FHIT: variants seen among roughly 807,000 people sequenced by gnomAD.
FHIT encodes bis(5'-adenosyl)-triphosphatase.
Under a neutral mutation model 17.9 loss-of-function variants are expected in FHIT, and 19 were observed. The ratio of observed to expected loss-of-function variants is 1.06; its 90% CI spans 0.74 to 1.56. The LOEUF is 1.56. Ranked by LOEUF, FHIT falls within the 40% of genes most tolerant of loss-of-function variation. The pLI is 0.00. For synonymous variants in FHIT, 81 were observed against 69.7 expected, an observed-to-expected ratio of 1.16 and a Z score of -0.81; for missense variants, 248 against 189.2, an observed-to-expected ratio of 1.31 and a Z score of -1.82.
chr3:59,788,523 C>A (rs544624382), intron 8 of FHIT, among the ~76,000 whole-genome samples: 1 of 152,272 alleles, frequency 6.6e-6, no homozygotes, highest in African/African-American at 2.4e-5. Context: ...TGGTTAGGGG[C>A]CAGGCAGGTT....
At chr3:60,750,968 C>T (rs1029338473) in intron 4 of FHIT, among the ~76,000 whole-genome samples, 3 of 152,178 alleles carry the variant, frequency 2.0e-5, no homozygotes, top group Non-Finnish European at 4.4e-5. Context: ...ACTGTGTTCC[C>T]AAGTGCAACT....
chr3:60,987,284 C>A (rs2029861792), intron 3 of FHIT, among the ~76,000 whole-genome samples: 1 of 152,194 alleles, frequency 6.6e-6, no homozygotes, highest in South Asian at 2.1e-4. Context: ...CTCTGCAGCA[C>A]TGTAACATGT....
chr3:60,956,195 T>C (rs1709147916), intron 3 of FHIT, among the ~76,000 whole-genome samples: 1 of 152,104 alleles, frequency 6.6e-6, no homozygotes. Context: ...AACAAAAACA[T>C]CACAAAACCC....
chr3:60,105,554 T>A (rs1051980561), intron 5 of FHIT, among the ~76,000 whole-genome samples: 2 of 152,282 alleles, frequency 1.3e-5, no homozygotes, highest in East Asian at 3.9e-4. Context: ...GTGAAACATA[T>A]AAGAATATTG....
chr3:61,027,867 A>G (rs2032816969), intron 3 of FHIT, among the ~76,000 whole-genome samples: 1 of 152,196 alleles, frequency 6.6e-6, no homozygotes, highest in Admixed American at 6.5e-5. Context: ...TACATGTTAC[A>G]TGTCCTTTAT....
intron 8 of FHIT, among the ~76,000 whole-genome samples, chr3:59,769,286 T>C (rs1575464191): frequency 6.6e-6 from 1 of 152,042 alleles, no homozygotes; most frequent in South Asian, 2.1e-4. Context: ...GCTCGGAGTG[T>C]GTTTTGGGTG....
chr3:60,054,587 G>A (rs899139375), intron 5 of FHIT, among the ~76,000 whole-genome samples: 17 of 152,210 alleles, frequency 1.1e-4, no homozygotes, highest in East Asian at 5.8e-4. Context: ...TAACAGCAGC[G>A]CATTATTTTC....
intron 5 of FHIT, among the ~76,000 whole-genome samples, chr3:60,131,002 CATATGT>C (rs1699553999): frequency 1.4e-5 from 1 of 69,212 alleles, no homozygotes; most frequent in Admixed American, 1.8e-4. Flanking sequence ...CACATATATA[CATATGT>C]GTATATATAC....
intron 5 of FHIT, among the ~76,000 whole-genome samples, chr3:60,472,588 C>CGATCATGAGG (rs2033144139): frequency 1.3e-5 from 2 of 152,012 alleles, no homozygotes; most frequent in African/African-American, 2.4e-5. Flanking sequence ...CCAGGATGGT[C>CGATCATGAGG]TCGATCTCCT....
chr3:60,419,521 G>A (rs1023356735), intron 5 of FHIT, among the ~76,000 whole-genome samples: 3 of 152,030 alleles, frequency 2.0e-5, no homozygotes, highest in Non-Finnish European at 4.4e-5. Context: ...ACAAATCAAG[G>A]GGCTCCAACA....
intron 4 of FHIT, among the ~76,000 whole-genome samples, chr3:60,701,724 C>T (rs1181409918): frequency 6.6e-6 from 1 of 152,140 alleles, no homozygotes; most frequent in African/African-American, 2.4e-5. Flanking sequence ...CTCGCAGCCT[C>T]CAGCTGCATG....
chr3:59,965,032 A>G (rs1231125699), intron 7 of FHIT, among the ~76,000 whole-genome samples: 1 of 152,152 alleles, frequency 6.6e-6, no homozygotes, highest in East Asian at 1.9e-4. Flanking sequence ...AATTAAACAA[A>G]CAAAAAAACA....
intron 5 of FHIT, among the ~76,000 whole-genome samples, chr3:60,532,737 T>C (rs1489692780): frequency 6.6e-6 from 1 of 152,208 alleles, no homozygotes; most frequent in South Asian, 2.1e-4. Context: ...AGTGGCTGTT[T>C]TGAGAATGAA....
Position 60,374,035 on chromosome 3 carries a change from T to C in FHIT, c.103+162825A>G, listed in dbSNP as rs191670966. Among the ~76,000 whole-genome samples, 191 of 152,336 alleles carry C rather than the reference T, an allele frequency of 1.3e-3. 1 individual carries two copies. The highest frequency in any genetic ancestry group is 6.8e-3 in the Middle Eastern group (2 of 294). ...TATCTTTTTAAAAAAGTAATGGTTT[T>C]GGTTCCTCTTGAAATTTACATGACA... On this transcript the variant is annotated intron_variant, in intron 5 of 9. Coordinates refer to ENST00000492590, the MANE Select transcript of FHIT (RefSeq NM_002012.4).
chr3:60,908,764 AC>A (rs1706565744), intron 3 of FHIT, among the ~76,000 whole-genome samples: 1 of 151,702 alleles, frequency 6.6e-6, no homozygotes, highest in Admixed American at 6.6e-5. Context: ...AGAAATCATG[AC>A]CAGAGTCGAA....
intron 3 of FHIT, among the ~76,000 whole-genome samples, chr3:60,905,226 C>CA (rs1553764228): frequency 6.6e-6 from 1 of 151,790 alleles, no homozygotes; most frequent in Non-Finnish European, 1.5e-5. Context: ...AAAGTTGATC[C>CA]AAAAAAAGTA....
chr3:60,176,677 A>T (rs1318109431), intron 5 of FHIT, among the ~76,000 whole-genome samples: 1 of 152,132 alleles, frequency 6.6e-6, no homozygotes, highest in African/African-American at 2.4e-5. Context: ...TGTCCCAAAG[A>T]CTTGGAGAGT....
At chr3:60,622,362 T>C (rs1478573942) in intron 4 of FHIT, among the ~76,000 whole-genome samples, 1 of 150,440 alleles carries the variant, frequency 6.6e-6, no homozygotes, top group Non-Finnish European at 1.5e-5. Context: ...AACGTACAAA[T>C]CTAGATTTTT....
chr3:60,329,077 T>C (rs1709837639), intron 5 of FHIT, among the ~76,000 whole-genome samples: 1 of 152,218 alleles, frequency 6.6e-6, no homozygotes, highest in African/African-American at 2.4e-5. Context: ...TTCATATGGA[T>C]TTAATTAGTT....
Sources: allele counts gnomAD v4.1 joint callset (sites outside exome capture counted in the v4.1 genomes callset), GRCh38; gene constraint gnomAD v4.1.1; transcripts MANE v1.5; gene names NCBI Gene and HGNC (gene_info 2026-07-23, HGNC 2026-07-21).